The following CDCA7 variants were observed in gnomAD, a reference collection of about 807,000 sequenced individuals.
CDCA7 encodes the protein cell division cycle associated 7, also known as cell division cycle-associated protein 7.
In CDCA7, 28 loss-of-function variants were observed where a neutral mutation model predicts 54.0. That is an observed-to-expected ratio of 0.52 (90% CI 0.38 to 0.71). The LOEUF (loss-of-function observed/expected upper bound fraction) is 0.71, where lower values mean the gene tolerates loss of function less well. CDCA7 is among the 30% of genes least tolerant of loss of function. The pLI, the probability that CDCA7 is intolerant of heterozygous loss-of-function variation, is 0.00. For missense variants in CDCA7, 484 were observed against 586.0 expected, an observed-to-expected ratio of 0.83 and a Z score of 1.80; for synonymous variants, 180 against 208.2, an observed-to-expected ratio of 0.86 and a Z score of 1.16.
rs2106391150 is a variant in CDCA7 at position 173,364,031 on chromosome 2, G to A, written c.699+136G>A. On this transcript the variant is annotated intron_variant, in intron 5 of 9. Transcript: ENST00000306721. ...GAAGGGGACCTAGAGGAAACCCCCT[G>A]ACAGATCTCTGGATGATCCTCCTTG... 5.5e-6 allele frequency: 4 copies of A among 731,110 alleles called. No homozygotes were observed. In the East Asian group the frequency reaches 1.1e-4, roughly 20 times the overall value. 45.3% of individuals were successfully genotyped at this position (731,110 alleles called of 1,614,324 possible).
intron 3 of CDCA7, among the ~76,000 whole-genome samples, chr2:173,360,966 C>G (rs568067778): frequency 6.6e-6 from 1 of 152,158 alleles, no homozygotes; most frequent in Non-Finnish European, 1.5e-5. Flanking sequence ...TTCCCAACAC[C>G]CCCAGCTCCT....
chr2:173,355,684 C>G (rs1232238331), intron 1 of CDCA7, among the ~76,000 whole-genome samples: 16 of 148,108 alleles, frequency 1.1e-4, no homozygotes, highest in African/African-American at 3.7e-4. Flanking sequence ...CCACCCCCCA[C>G]CCCCCAGCCT....
intron 1 of CDCA7, among the ~76,000 whole-genome samples, chr2:173,355,558 T>A (rs367803585): frequency 1.3e-5 from 2 of 152,200 alleles, no homozygotes; most frequent in Admixed American, 1.3e-4. Flanking sequence ...GCGCACGCAG[T>A]GTGAAGCGAC....
At position 173,367,902 on chromosome 2, in the gene CDCA7, C is replaced by A; in HGVS notation, c.*238C>A. 1.8e-6 allele frequency: 1 copy of A among 558,208 alleles called. No homozygotes were observed. Among genetic ancestry groups the A allele is most frequent in the South Asian group, 2.5e-5 (1 of 40,120 alleles). 34.6% of individuals were successfully genotyped at this position (558,208 alleles called of 1,614,324 possible). A position where few individuals can be genotyped will look rare whatever the true frequency, so the allele number is the denominator to read the frequency against. On this transcript the variant is annotated 3_prime_UTR_variant, in exon 10 of 10. Transcript: ENST00000306721. ...TCCCAACCCCCATCTCACAGCATCC[C>A]CCTCTATTTCCAATGCTCCTCTCCA...
At position 173,359,423 on chromosome 2, in the gene CDCA7, AT is replaced by A. The variant is rs1273801955; in HGVS notation, c.321del (p.His108MetfsTer21). The A allele has an allele frequency of 6.2e-7, 1 of 1,614,152 alleles. No homozygotes were observed. Among genetic ancestry groups the A allele is most frequent in the African/African-American group, 1.3e-5 (1 of 75,034 alleles). On this transcript the variant is annotated frameshift_variant, in exon 3 of 10. Transcript: ENST00000306721. LOFTEE classifies it high-confidence loss of function. Reference sequence around the variant, plus strand: ...AGATGTCACTAACGAACTGGCCGGTATTTTTCATGCCGACTCTGACGATGAA... The same window carrying A: ...AGATGTCACTAACGAACTGGCCGGTATTTTCATGCCGACTCTGACGATGAA... ...RPDVTNELAG[I>X]FHADSDDESF...
chr2:173,366,255 G>T lies in CDCA7; in HGVS notation c.1036-28G>T, dbSNP rs77642400. On this transcript the variant is annotated intron_variant, in intron 7 of 9. Coordinates refer to ENST00000306721, the MANE Select transcript of CDCA7 (RefSeq NM_031942.5). This position sits in a 1 kb window ranked among gnomAD's most constrained non-coding sequence, Gnocchi z 4.5. ...CTGTTGAAAAACAGTGGTTTTTTTT[G>T]TTTTTTTTCTTAATGGCTTATTTGT... is the stretch of plus-strand genomic sequence containing the variant. 7.4e-5 allele frequency: 113 copies of T among 1,521,380 alleles called. 2 individuals carry two copies. The African/African-American group carries it at 8.7e-4, about 12-fold the overall frequency. The allele number at this position is 1,521,380 out of a possible 1,614,324, so 94.2% of individuals were successfully genotyped here.
At chr2:173,362,578 C>CTT (rs11437572) in intron 3 of CDCA7, among the ~76,000 whole-genome samples, 2,708 of 142,884 alleles carry the variant, frequency 0.019, 47 homozygotes, top group South Asian at 0.035. Context: ...ATTTTTTTCC[C>CTT]TTTTTTTTTT....
At chr2:173,355,417 T>C (rs1686479027) in intron 1 of CDCA7, among the ~76,000 whole-genome samples, 1 of 152,220 alleles carries the variant, frequency 6.6e-6, no homozygotes, top group African/African-American at 2.4e-5. Flanking sequence ...TCGCCGCGTC[T>C]ATACCCGCGC....
rs774619497 is a variant in CDCA7 at position 173,354,950 on chromosome 2, C to A, written c.-14C>A. The A allele has an allele frequency of 1.0e-5, 15 of 1,469,444 alleles. No homozygotes were observed. The South Asian group carries it at 1.2e-4, about 12-fold the overall frequency. The allele number at this position is 1,469,444 out of a possible 1,614,324, so 91.0% of individuals were successfully genotyped here. ...TCCCCGCTCCAAGCGCCGATCTGGG[C>A]ACCCGCCACCAGCATGGACGCTCGC... On this transcript the variant is annotated 5_prime_UTR_variant, in exon 1 of 10. Coordinates refer to ENST00000306721, the MANE Select transcript of CDCA7 (RefSeq NM_031942.5).
At chr2:173,361,775 A>G (rs907720231) in intron 3 of CDCA7, among the ~76,000 whole-genome samples, 7 of 151,656 alleles carry the variant, frequency 4.6e-5, no homozygotes, top group African/African-American at 1.7e-4. Flanking sequence ...TAGCTCTACT[A>G]TGAAGTGGTG....
chr2:173,360,472 CTGTT>C (rs1446731848), intron 3 of CDCA7, among the ~76,000 whole-genome samples: 1 of 152,124 alleles, frequency 6.6e-6, no homozygotes, highest in African/African-American at 2.4e-5. Context: ...GTACAAAAAG[CTGTT>C]TGTGGGCATG....
chr2:173,358,540 AAG>A (rs1491312306), intron 1 of CDCA7, 170 bp from the exon 2 acceptor site: 5 of 630,904 alleles, frequency 7.9e-6, no homozygotes, highest in Non-Finnish European at 1.3e-5. Flanking sequence ...TTACAAAAAA[AAG>A]AAAGAAAAAA....
At position 173,366,534 on chromosome 2, in the gene CDCA7, T is replaced by C. The variant is rs772918726; in HGVS notation, c.1185+102T>C. On this transcript the variant is annotated intron_variant, in intron 8 of 9. Coordinates refer to ENST00000306721, the MANE Select transcript of CDCA7 (RefSeq NM_031942.5). The surrounding 1 kb of genome is among the most constrained non-coding windows in gnomAD (Gnocchi z 4.5). The stretch of plus-strand genomic sequence containing the variant: ...GGTGAAGGGGTGGAGCCCTTTCTGT[T>C]ATGGGGTGCTCTTCTTTTTTTTTAA... The C allele has an allele frequency of 4.3e-5, 62 of 1,447,156 alleles. No individual in the cohort carries two copies. The highest frequency in any genetic ancestry group is 5.8e-5 in the Non-Finnish European group (62 of 1,071,774). The allele number at this position is 1,447,156 out of a possible 1,614,324, so 89.6% of individuals were successfully genotyped here. A position where few individuals can be genotyped will look rare whatever the true frequency, so the allele number is the denominator to read the frequency against.
In CDCA7 at chr2:173,367,668, C is replaced by T. The variant is rs1686749078; in HGVS notation, c.*4C>T. ...GGAATTTGAAATGCAAGCATAATATCTGGAAAATTTGCTGCCTGCCTTCTA... is the reference window on the plus strand; with the variant it reads ...GGAATTTGAAATGCAAGCATAATATTTGGAAAATTTGCTGCCTGCCTTCTA... On this transcript the variant is annotated 3_prime_UTR_variant, in exon 10 of 10. Coordinates refer to ENST00000306721, the MANE Select transcript of CDCA7 (RefSeq NM_031942.5). 2 of 1,614,004 alleles carry T rather than the reference C, an allele frequency of 1.2e-6. No homozygotes were observed. Among genetic ancestry groups the T allele is most frequent in the African/African-American group, 1.3e-5 (1 of 74,932 alleles).
Position 173,358,944 on chromosome 2 carries a change from A to G in CDCA7, c.147+107A>G, listed in dbSNP as rs566486989. On this transcript the variant is annotated intron_variant, in intron 2 of 9. Coordinates refer to ENST00000306721, the MANE Select transcript of CDCA7 (RefSeq NM_031942.5). ...TTGCTTTTTGCCTACATTTCTATACAGCCGTTATGAAAATACAGTATGCAC... is the reference window on the plus strand; with the variant it reads ...TTGCTTTTTGCCTACATTTCTATACGGCCGTTATGAAAATACAGTATGCAC... The G allele has an allele frequency of 2.0e-4, 284 of 1,433,808 alleles. 3 individuals are homozygous for G. The Middle Eastern group carries it at 3.9e-3, about 20-fold the overall frequency. 88.8% of individuals were successfully genotyped at this position (1,433,808 alleles called of 1,614,324 possible).
At position 173,366,540 on chromosome 2, in the gene CDCA7, G is replaced by C. The variant is rs1686723990; in HGVS notation, c.1185+108G>C. The C allele has an allele frequency of 7.0e-7, 1 of 1,429,666 alleles. No homozygotes were observed. The highest frequency in any genetic ancestry group is 1.4e-5 in the African/African-American group (1 of 70,042). The allele number at this position is 1,429,666 out of a possible 1,614,324, so 88.6% of individuals were successfully genotyped here. ...GGGGTGGAGCCCTTTCTGTTATGGGGTGCTCTTCTTTTTTTTTAAGATGGA... is the reference window on the plus strand; with the variant it reads ...GGGGTGGAGCCCTTTCTGTTATGGGCTGCTCTTCTTTTTTTTTAAGATGGA... On this transcript the variant is annotated intron_variant, in intron 8 of 9. Coordinates refer to ENST00000306721, the MANE Select transcript of CDCA7 (RefSeq NM_031942.5). This position sits in a 1 kb window ranked among gnomAD's most constrained non-coding sequence, Gnocchi z 4.5.
At chr2:173,361,240 G>A (rs1480750934) in intron 3 of CDCA7, among the ~76,000 whole-genome samples, 1 of 152,114 alleles carries the variant, frequency 6.6e-6, no homozygotes, top group Non-Finnish European at 1.5e-5. Flanking sequence ...TATGAATAAT[G>A]CTACTGTGAA....
At chr2:173,361,825 G>A (rs1257075981) in intron 3 of CDCA7, among the ~76,000 whole-genome samples, 3 of 150,528 alleles carry the variant, frequency 2.0e-5, no homozygotes, top group East Asian at 2.0e-4. Flanking sequence ...TTTATTTTTC[G>A]GAGACGGAGT....
chr2:173,357,354 C>G (rs1345527495), intron 1 of CDCA7, among the ~76,000 whole-genome samples: 1 of 152,198 alleles, frequency 6.6e-6, no homozygotes, highest in African/African-American at 2.4e-5. Flanking sequence ...GGGACAGCAA[C>G]AAGAACTGAA....
Sources: gnomAD v4.1 joint callset for allele counts (sites outside exome capture counted in the v4.1 genomes callset) on GRCh38, gnomAD v4.1.1 for gene constraint, Gnocchi (gnomAD v3.1) non-coding constraint, MANE v1.5 for transcripts, NCBI Gene and HGNC (gene_info 2026-07-23, HGNC 2026-07-21) for gene names.